SAG: variants seen among roughly 807,000 people sequenced by gnomAD.
The protein encoded by SAG is S-antigen visual arrestin.
In SAG, 45 loss-of-function variants were observed where a neutral mutation model predicts 55.0. The ratio of observed to expected loss-of-function variants is 0.82; its 90% CI spans 0.64 to 1.05. The LOEUF is 1.05. Ranked by LOEUF, SAG falls within the 50% of genes least tolerant of loss-of-function variation. SAG has a pLI of 0.00. For synonymous variants in SAG, 189 were observed against 197.4 expected, an observed-to-expected ratio of 0.96 and a Z score of 0.36; for missense variants, 455 against 512.1, an observed-to-expected ratio of 0.89 and a Z score of 1.08.
chr2:233,339,771 C>G (rs914039736), intron 12 of SAG, among the ~76,000 whole-genome samples: 5 of 151,878 alleles, frequency 3.3e-5, no homozygotes, highest in South Asian at 2.1e-4. Context: ...TCAAGTGATT[C>G]TCCTGCCTCA....
At chr2:233,331,978 G>A (rs2125341037) in intron 10 of SAG, 1 of 455,658 alleles carries the variant, frequency 2.2e-6, no homozygotes. Context: ...AGACAGAAAT[G>A]TCACCATGGG....
chr2:233,331,993 G>C (rs547196254), intron 10 of SAG: 9 of 422,312 alleles, frequency 2.1e-5, no homozygotes, highest in Non-Finnish European at 3.8e-5. Context: ...CATGGGATCA[G>C]CTGGCTTTTT....
chr2:233,334,089 T>G (rs1228645002), intron 10 of SAG: 1 of 152,114 alleles, frequency 6.6e-6, no homozygotes, highest in Non-Finnish European at 1.5e-5. Context: ...TGGGCTCTGC[T>G]GTCAGAGAGT....
chr2:233,336,533 C>T (rs938828562), intron 11 of SAG, among the ~76,000 whole-genome samples: 5 of 150,078 alleles, frequency 3.3e-5, no homozygotes, highest in Non-Finnish European at 5.9e-5. Context: ...AAAAAACCAA[C>T]CAACAAAACA....
chr2:233,331,188 AT>A (rs1336687780), intron 9 of SAG, among the ~76,000 whole-genome samples: 3 of 152,150 alleles, frequency 2.0e-5, no homozygotes, highest in African/African-American at 4.8e-5. Flanking sequence ...TAGATAAATA[AT>A]TCACCCCACA....
rs1700359323 is a variant in SAG, at chr2:233,320,820, G to A, written c.372G>A (p.Leu124=). 6.3e-7 allele frequency: 1 copy of A among 1,583,220 alleles called. No homozygotes were observed. Among genetic ancestry groups the A allele is most frequent in the Admixed American group, 1.8e-5 (1 of 55,374 alleles). The change falls in exon 5 of 16, where the codon CTG becomes CTA. Residue 124 remains leucine (L), a synonymous_variant. Transcript: ENST00000409110. ...KLGSNTYPFL[L]TFPDYLPCSV... Reference sequence around the variant, plus strand: ...GGAGCAACACGTACCCCTTTCTCCTGACGGTGGGTGACTCCTCCGGCCAGC... The same window carrying A: ...GGAGCAACACGTACCCCTTTCTCCTAACGGTGGGTGACTCCTCCGGCCAGC...
intron 10 of SAG, chr2:233,332,678 T>TTTTTTG (rs1700805058): frequency 6.6e-6 from 1 of 151,142 alleles, no homozygotes. Flanking sequence ...TTTTTTTTTT[T>TTTTTTG]GAGACGGAGT....
intron 14 of SAG, chr2:233,343,776 T>G (rs751966164): frequency 2.5e-5 from 26 of 1,035,246 alleles, no homozygotes; most frequent in Non-Finnish European, 2.8e-5. Flanking sequence ...AGGGATATTT[T>G]AAGTAAAAGT....
intron 9 of SAG, among the ~76,000 whole-genome samples, chr2:233,330,966 C>T (rs1235144632): frequency 1.3e-5 from 2 of 152,054 alleles, no homozygotes; most frequent in Non-Finnish European, 2.9e-5. Context: ...AATCCCAGTA[C>T]TTTGGGAGGC....
At position 233,324,201 on chromosome 2, in the gene SAG, G is replaced by C. The variant is rs374666448; in HGVS notation, c.435+1196G>C. Among the ~76,000 whole-genome samples the C allele has an allele frequency of 3.3e-5, 5 of 152,074 alleles. No individual in the cohort carries two copies. The East Asian group carries it at 9.6e-4, about 29-fold the overall frequency. On this transcript the variant is annotated intron_variant, in intron 6 of 15. Transcript: ENST00000409110. ...CAACCCAGGAGTTCAAGACTAGCCC[G>C]GGCAACGTGGCGAGACCCCATCTCT... is the stretch of plus-strand genomic sequence containing the variant.
chr2:233,320,807 A>T lies in SAG; in HGVS notation c.359A>T (p.Tyr120Phe). 6.3e-7 allele frequency: 1 copy of T among 1,595,254 alleles called. No homozygotes were observed. The highest frequency in any genetic ancestry group is 8.5e-7 in the Non-Finnish European group (1 of 1,171,092). The change falls in exon 5 of 16, where the codon TAC (tyrosine) becomes TTC (phenylalanine). Residue 120 changes from tyrosine (Y) to phenylalanine (F), a missense_variant. By Grantham distance (22) the Tyr-to-Phe change is conservative (BLOSUM62 3). Transcript: ENST00000409110. ...SLLKKLGSNT[Y>F]PFLLTFPDYL... ...CTTAAAAAGCTGGGGAGCAACACGT[A>T]CCCCTTTCTCCTGACGGTGGGTGAC...
At position 233,320,639 on chromosome 2, in the gene SAG, C is replaced by T. The variant is rs1173782893; in HGVS notation, c.191C>T (p.Thr64Ile). ...TTCATCTCCCTTGCAGTGTATGTCA[C>T]TCTGACCTGCGCCTTCCGCTATGGC... ...DLVKGKKVYV[T>I]LTCAFRYGQE... Residue 64 changes from threonine to isoleucine, a missense_variant, in exon 5 of 16, where the codon ACT becomes ATT. Thr to Ile is a moderately conservative substitution (Grantham distance 89). Transcript: ENST00000409110. 2 of 1,595,328 alleles carry T rather than the reference C, an allele frequency of 1.3e-6. No individual in the cohort carries two copies. Among genetic ancestry groups the T allele is most frequent in the Non-Finnish European group, 1.7e-6 (2 of 1,171,456 alleles).
At chr2:233,337,597 A>G (rs1018890335) in intron 11 of SAG, among the ~76,000 whole-genome samples, 1 of 152,038 alleles carries the variant, frequency 6.6e-6, no homozygotes, top group African/African-American at 2.4e-5. Flanking sequence ...CTCTCTGGGG[A>G]GCACTGTGGT....
At chr2:233,320,605 G>A (rs372634278) in intron 4 of SAG, 25 bp from the exon 5 acceptor site, 249 of 1,546,432 alleles carry the variant, frequency 1.6e-4, no homozygotes, top group Middle Eastern at 6.7e-4. Context: ...GGCCAAGTCC[G>A]ACCCTGCCTT....
intron 10 of SAG, 95 bp downstream of exon 10, chr2:233,331,807 A>C: frequency 1.1e-6 from 1 of 890,320 alleles, no homozygotes; most frequent in South Asian, 1.4e-5. Context: ...TAGAATGTTC[A>C]GCTAGCTCGC....
chr2:233,343,700 C>A, intron 14 of SAG: 5 of 1,233,778 alleles, frequency 4.1e-6, no homozygotes, highest in Non-Finnish European at 5.2e-6. Flanking sequence ...TGCATCGAGG[C>A]AGCTTAGTTG....
chr2:233,315,281 C>CTTTTTTTTT (rs5839476), intron 2 of SAG, among the ~76,000 whole-genome samples: 2 of 69,378 alleles, frequency 2.9e-5, no homozygotes, highest in African/African-American at 9.2e-5. Flanking sequence ...TCCAGAAGTT[C>CTTTTTTTTT]TTTTTTTTTT....
At chr2:233,316,184 G>C in intron 3 of SAG, 49 bp downstream of exon 3, 1 of 1,060,418 alleles carries the variant, frequency 9.4e-7, no homozygotes, top group Non-Finnish European at 1.4e-6. Context: ...TTAAGTCACA[G>C]ATAACCGCTC....
intron 9 of SAG, among the ~76,000 whole-genome samples, chr2:233,330,298 C>T (rs1700706402): frequency 6.6e-6 from 1 of 152,128 alleles, no homozygotes; most frequent in Admixed American, 6.5e-5. Context: ...GGGTGACTGT[C>T]CCAGGGCCCA....
Sources: gnomAD v4.1 joint callset for allele counts (sites outside exome capture counted in the v4.1 genomes callset) on GRCh38, gnomAD v4.1.1 for gene constraint, MANE v1.5 for transcripts, NCBI Gene and HGNC (gene_info 2026-07-23, HGNC 2026-07-21) for gene names.